BMPER: variants seen among roughly 807,000 people sequenced by gnomAD.
The protein encoded by BMPER is BMP-binding endothelial regulator protein.
In BMPER, 45 loss-of-function variants were observed where a neutral mutation model predicts 87.3. The observed-to-expected ratio is 0.52, with a 90% CI of 0.41 to 0.66. The LOEUF is 0.66. Among genes scored for constraint, BMPER ranks in the 30% least tolerant of loss-of-function variants. BMPER has a pLI of 0.00. For synonymous variants in BMPER, 326 were observed against 316.2 expected, an observed-to-expected ratio of 1.03 and a Z score of -0.33; for missense variants, 784 against 867.5, an observed-to-expected ratio of 0.90 and a Z score of 1.21.
chr7:34,010,110 T>G (rs749148049), intron 6 of BMPER, among the ~76,000 whole-genome samples: 1 of 151,994 alleles, frequency 6.6e-6, no homozygotes, highest in Non-Finnish European at 1.5e-5. Flanking sequence ...AAACCTGCCA[T>G]GTCTTCTCAC....
At chr7:33,953,927 A>G (rs890468164) in intron 3 of BMPER, among the ~76,000 whole-genome samples, 6 of 152,182 alleles carry the variant, frequency 3.9e-5, no homozygotes, top group Middle Eastern at 3.2e-3. Flanking sequence ...GGCTTCTGTC[A>G]CTTAGCATAA....
chr7:33,942,693 A>C (rs1035877617), intron 3 of BMPER, among the ~76,000 whole-genome samples: 2 of 152,216 alleles, frequency 1.3e-5, no homozygotes, highest in Non-Finnish European at 2.9e-5. Context: ...TATCCTGGTC[A>C]ATATACTTGA....
At chr7:33,928,098 C>T (rs995449948) in intron 2 of BMPER, among the ~76,000 whole-genome samples, 4 of 152,142 alleles carry the variant, frequency 2.6e-5, no homozygotes, top group Non-Finnish European at 5.9e-5. Context: ...TGGAAGTGTT[C>T]TCTGCCGCAC....
chr7:34,069,408 T>A (rs1387222272), intron 11 of BMPER, among the ~76,000 whole-genome samples: 1 of 152,222 alleles, frequency 6.6e-6, no homozygotes, highest in East Asian at 1.9e-4. Flanking sequence ...CTGCAATTGC[T>A]CCTATAACTA....
chr7:34,113,816 GT>G (rs1470114495), intron 13 of BMPER, among the ~76,000 whole-genome samples: 3 of 152,048 alleles, frequency 2.0e-5, no homozygotes, highest in African/African-American at 4.8e-5. Context: ...TTGGTGAGGG[GT>G]GTAATTACTC....
chr7:34,035,934 CT>C (rs1462578774), intron 6 of BMPER, among the ~76,000 whole-genome samples: 1 of 152,196 alleles, frequency 6.6e-6, no homozygotes, highest in Non-Finnish European at 1.5e-5. Context: ...GGGTTTCTGT[CT>C]CTGCAGTTCC....
At chr7:33,979,372 T>A (rs1482848709) in intron 6 of BMPER, among the ~76,000 whole-genome samples, 1 of 151,120 alleles carries the variant, frequency 6.6e-6, no homozygotes, top group Non-Finnish European at 1.5e-5. Flanking sequence ...AGAACCTGAT[T>A]CCCCCAAGGA....
intron 13 of BMPER, among the ~76,000 whole-genome samples, chr7:34,131,973 G>A (rs554360079): frequency 8.5e-5 from 13 of 152,088 alleles, no homozygotes; most frequent in South Asian, 2.1e-4. Flanking sequence ...TTAGGGATTC[G>A]TTGGGGGAAG....
At chr7:34,068,318 C>T (rs917358854) in intron 11 of BMPER, among the ~76,000 whole-genome samples, 1 of 152,186 alleles carries the variant, frequency 6.6e-6, no homozygotes, top group African/African-American at 2.4e-5. Flanking sequence ...CCTTAGCTTC[C>T]TTGTCATTTT....
intron 12 of BMPER, among the ~76,000 whole-genome samples, chr7:34,084,001 TAAAAAA>T (rs57825100): frequency 8.1e-6 from 1 of 122,760 alleles, no homozygotes; most frequent in Non-Finnish European, 1.7e-5. Flanking sequence ...AGGAAAGATT[TAAAAAA>T]AAAAAAAAAA....
At chr7:34,011,764 T>C (rs1267217108) in intron 6 of BMPER, among the ~76,000 whole-genome samples, 1 of 151,846 alleles carries the variant, frequency 6.6e-6, no homozygotes, top group African/African-American at 2.4e-5. Context: ...ATTGGAGATA[T>C]GAAAAATGAA....
intron 6 of BMPER, among the ~76,000 whole-genome samples, chr7:34,032,892 G>T (rs1290264068): frequency 6.6e-6 from 1 of 152,122 alleles, no homozygotes; most frequent in African/African-American, 2.4e-5. Context: ...TCATTTCACA[G>T]TTAGAGGCTG....
chr7:34,110,875 T>TC (rs1281768939), intron 13 of BMPER, among the ~76,000 whole-genome samples: 1 of 152,214 alleles, frequency 6.6e-6, no homozygotes, highest in African/African-American at 2.4e-5. Flanking sequence ...GAGAGATTGT[T>TC]GTAGGTCTCT....
chr7:33,984,234 G>A (rs550923598), intron 6 of BMPER, among the ~76,000 whole-genome samples: 10 of 152,256 alleles, frequency 6.6e-5, no homozygotes, highest in African/African-American at 2.4e-4. Context: ...TTGGGAGGCC[G>A]AGGCGGGTGG....
intron 6 of BMPER, among the ~76,000 whole-genome samples, chr7:34,033,062 A>G (rs779046534): frequency 7.9e-5 from 12 of 152,192 alleles, no homozygotes; most frequent in Non-Finnish European, 1.3e-4. Context: ...AGTCCACACA[A>G]TGCATTTTAG....
chr7:34,043,427 C>A (rs1467172925), intron 6 of BMPER, among the ~76,000 whole-genome samples: 1 of 152,146 alleles, frequency 6.6e-6, no homozygotes, highest in Non-Finnish European at 1.5e-5. Flanking sequence ...TTATTTCCAT[C>A]CATTTCCCAT....
intron 6 of BMPER, among the ~76,000 whole-genome samples, chr7:34,011,532 C>T (rs1387033309): frequency 7.2e-6 from 1 of 138,156 alleles, no homozygotes. Context: ...TAAAGGAAAA[C>T]CTTTTAAACC....
intron 13 of BMPER, among the ~76,000 whole-genome samples, chr7:34,097,862 T>C (rs1789570710): frequency 6.6e-6 from 1 of 152,180 alleles, no homozygotes; most frequent in Admixed American, 6.5e-5. Context: ...TGCTAAACAT[T>C]AGAGACAAGA....
chr7:34,104,591 A>AT (rs1021193068), intron 13 of BMPER, among the ~76,000 whole-genome samples: 7 of 152,000 alleles, frequency 4.6e-5, no homozygotes, highest in South Asian at 2.1e-4. Flanking sequence ...CCATTTTCCC[A>AT]TTTTTTTCTA....
Sources: gnomAD v4.1 joint callset for allele counts (sites outside exome capture counted in the v4.1 genomes callset) on GRCh38, gnomAD v4.1.1 for gene constraint, MANE v1.5 for transcripts, NCBI Gene and HGNC (gene_info 2026-07-23, HGNC 2026-07-21) for gene names.